Variants in PTPRN2 observed in about 807,000 individuals in gnomAD.
PTPRN2 encodes the protein receptor-type tyrosine-protein phosphatase N2.
In PTPRN2, 74 loss-of-function variants were observed where a neutral mutation model predicts 118.8. The ratio of observed to expected loss-of-function variants is 0.62; its 90% confidence interval spans 0.52 to 0.76. PTPRN2 has a LOEUF of 0.76. Among genes scored for constraint, PTPRN2 ranks in the 30% least tolerant of loss-of-function variants. The probability of loss-of-function intolerance (pLI) is 0.00; values close to 1 mark genes in which losing one functional copy is unlikely to be tolerated. For missense variants in PTPRN2, 1,481 were observed against 1,394.4 expected, an observed-to-expected ratio of 1.06 and a Z score of -0.99; for synonymous variants, 641 against 608.0, an observed-to-expected ratio of 1.05 and a Z score of -0.80.
Position 158,300,879 on chromosome 7 carries a change from C to A in PTPRN2, c.277+15940G>T, listed in dbSNP as rs78703494. 9.0e-3 allele frequency among the ~76,000 whole-genome samples: 1,366 copies of A among 152,050 alleles called. 23 individuals carry two copies. Among genetic ancestry groups the A allele is most frequent in the African/African-American group, 0.031 (1,300 of 41,490 alleles). Reference sequence around the variant, plus strand: ...TTTCATGAAGGGAAATAAACACAGCCGAGTGAGTTTCACACAGCATTTCCA... The same window carrying A: ...TTTCATGAAGGGAAATAAACACAGCAGAGTGAGTTTCACACAGCATTTCCA... On this transcript the variant is annotated intron_variant, in intron 3 of 22. Transcript: ENST00000389418.
At chr7:158,110,781 C>A (rs772257844) in intron 10 of PTPRN2, 48 bp downstream of exon 10, 7 of 1,508,028 alleles carry the variant, frequency 4.6e-6, no homozygotes, top group Non-Finnish European at 6.3e-6. Flanking sequence ...CCAGTCTCTG[C>A]GACCAAGCAA....
intron 12 of PTPRN2, among the ~76,000 whole-genome samples, chr7:157,840,163 C>T (rs1455711318): frequency 2.2e-5 from 3 of 139,288 alleles, no homozygotes; most frequent in African/African-American, 8.3e-5. Flanking sequence ...GACTGTGTGG[C>T]CCTGTGTGAC....
chr7:158,565,702 A>C lies in PTPRN2; in HGVS notation c.112+21856T>G, dbSNP rs1356322517. Reference sequence around the variant, plus strand: ...CATGACTCCAACTTACTTTCTACACACAAGACATAGAAACCATCTCATGCA... The same window carrying C: ...CATGACTCCAACTTACTTTCTACACCCAAGACATAGAAACCATCTCATGCA... On this transcript the variant is annotated intron_variant, in intron 1 of 22. Coordinates refer to ENST00000389418, the MANE Select transcript of PTPRN2 (RefSeq NM_002847.5). This position sits in a 1 kb window ranked among gnomAD's most constrained non-coding sequence, Gnocchi z 4.6. 6.6e-6 allele frequency among the ~76,000 whole-genome samples: 1 copy of C among 152,316 alleles called. No homozygotes were observed. The highest frequency in any genetic ancestry group is 1.9e-4 in the East Asian group (1 of 5,190).
At chr7:157,905,117 C>T (rs577963995) in intron 11 of PTPRN2, among the ~76,000 whole-genome samples, 3 of 152,232 alleles carry the variant, frequency 2.0e-5, no homozygotes, top group Non-Finnish European at 2.9e-5. Flanking sequence ...GCCGTCCTCT[C>T]GCGGGACTTT....
chr7:157,948,435 T>C (rs1800611650), intron 11 of PTPRN2, among the ~76,000 whole-genome samples: 1 of 149,544 alleles, frequency 6.7e-6, no homozygotes, highest in Admixed American at 6.6e-5. Flanking sequence ...ACTAAGAAAA[T>C]AACAAAAAGA....
chr7:158,347,383 T>C (rs1353233489), intron 2 of PTPRN2, among the ~76,000 whole-genome samples: 1 of 152,248 alleles, frequency 6.6e-6, no homozygotes, highest in African/African-American at 2.4e-5. Context: ...CTTGCCACTT[T>C]TGCTGAAAAT....
At chr7:158,348,089 A>C (rs1807649096) in intron 2 of PTPRN2, among the ~76,000 whole-genome samples, 1 of 151,996 alleles carries the variant, frequency 6.6e-6, no homozygotes, top group African/African-American at 2.4e-5. Flanking sequence ...CCCCTCCTAC[A>C]TGCTTTTCTC....
At chr7:158,534,937 G>A (rs562962845) in intron 1 of PTPRN2, among the ~76,000 whole-genome samples, 3 of 152,170 alleles carry the variant, frequency 2.0e-5, no homozygotes, top group South Asian at 2.1e-4. Flanking sequence ...CTCGAGCCTC[G>A]TCAGCAGGCA....
chr7:158,117,014 C>G (rs911092487), intron 9 of PTPRN2, among the ~76,000 whole-genome samples: 6 of 151,698 alleles, frequency 4.0e-5, no homozygotes, highest in African/African-American at 1.2e-4. Context: ...CAAAAAATTG[C>G]AAGAAACAAG....
At chr7:158,485,882 C>T (rs892649277) in intron 2 of PTPRN2, among the ~76,000 whole-genome samples, 3 of 152,224 alleles carry the variant, frequency 2.0e-5, no homozygotes, top group Non-Finnish European at 4.4e-5. Flanking sequence ...GTATTAGATG[C>T]TCAGTTTTGG....
intron 2 of PTPRN2, among the ~76,000 whole-genome samples, chr7:158,347,780 C>CA (rs1807626950): frequency 1.3e-5 from 2 of 152,176 alleles, no homozygotes; most frequent in Non-Finnish European, 2.9e-5. Flanking sequence ...CCATTTCTTT[C>CA]ACCATCTCAT....
intron 10 of PTPRN2, among the ~76,000 whole-genome samples, chr7:158,103,483 A>C (rs1339193480): frequency 6.6e-6 from 1 of 152,232 alleles, no homozygotes; most frequent in Admixed American, 6.5e-5. Flanking sequence ...GTGCCCATGG[A>C]GCAGCGATGT....
intron 3 of PTPRN2, among the ~76,000 whole-genome samples, chr7:158,270,747 GT>G (rs1798270159): frequency 6.8e-6 from 1 of 146,014 alleles, no homozygotes; most frequent in Non-Finnish European, 1.5e-5. Context: ...TACCTGAGCC[GT>G]CTTCTCCACC....
At chr7:158,151,518 C>CCGCCTTTCTATTCCT (rs1563522319) in intron 6 of PTPRN2, among the ~76,000 whole-genome samples, 1 of 58,478 alleles carries the variant, frequency 1.7e-5, no homozygotes, top group African/African-American at 4.9e-5. Flanking sequence ...TGCTCCTCAC[C>CCGCCTTTCTATTCCT]GCACGTCCTA....
intron 3 of PTPRN2, among the ~76,000 whole-genome samples, chr7:158,298,092 A>T (rs1372453041): frequency 6.6e-6 from 1 of 152,046 alleles, no homozygotes; most frequent in Admixed American, 6.6e-5. Context: ...CCTCTCATTA[A>T]TTGTGTACTT....
intron 12 of PTPRN2, among the ~76,000 whole-genome samples, chr7:157,765,601 C>T (rs1323961451): frequency 6.0e-5 from 9 of 150,814 alleles, no homozygotes; most frequent in African/African-American, 2.0e-4. Context: ...TTGCTCCATC[C>T]ATCCACCCAC....
At chr7:158,041,840 T>C (rs1808496626) in intron 11 of PTPRN2, among the ~76,000 whole-genome samples, 1 of 152,212 alleles carries the variant, frequency 6.6e-6, no homozygotes, top group Admixed American at 6.5e-5. Flanking sequence ...GTCATTGACA[T>C]GTGACCCTTC....
intron 6 of PTPRN2, among the ~76,000 whole-genome samples, chr7:158,155,577 C>CCATCACCATCAGCACTAT (rs1821677567): frequency 1.6e-3 from 15 of 9,660 alleles, no homozygotes; most frequent in South Asian, 7.4e-3. Flanking sequence ...GCCATCATCA[C>CCATCACCATCAGCACTAT]CATCACCATC....
chr7:158,191,674 G>C (rs1373441251), intron 5 of PTPRN2, among the ~76,000 whole-genome samples: 1 of 152,170 alleles, frequency 6.6e-6, no homozygotes, highest in East Asian at 1.9e-4. Flanking sequence ...CATAGTGAAG[G>C]GTCTTGGGTG....
Sources: gnomAD v4.1 joint callset for allele counts (sites outside exome capture counted in the v4.1 genomes callset) on GRCh38, gnomAD v4.1.1 for gene constraint, Gnocchi (gnomAD v3.1) non-coding constraint, MANE v1.5 for transcripts, NCBI Gene and HGNC (gene_info 2026-07-23, HGNC 2026-07-21) for gene names.